The following FAT3 variants were observed in gnomAD, a reference collection of about 807,000 sequenced individuals.
FAT3 encodes the protein protocadherin Fat 3.
Under a neutral mutation model 310.2 loss-of-function variants are expected in FAT3, and 95 were observed. That is an observed-to-expected ratio of 0.31 (90% confidence interval 0.26 to 0.36). The LOEUF is 0.36. Among genes scored for constraint, FAT3 ranks in the 10% least tolerant of loss-of-function variants. The pLI, the probability that FAT3 is intolerant of heterozygous loss-of-function variation, is 1.00. For missense variants in FAT3, 5,408 were observed against 5,715.6 expected (o/e 0.95, Z 1.74); for synonymous variants, 2,314 against 2,192.9 (o/e 1.06, Z -1.54).
At chr11:92,765,469 T>C (rs1230816539) in intron 6 of FAT3, among the ~76,000 whole-genome samples, 4 of 151,770 alleles carry the variant, frequency 2.6e-5, no homozygotes, top group Non-Finnish European at 5.9e-5. Context: ...CTGCATTCTG[T>C]TCTTTTTTTT....
At chr11:92,656,576 A>C (rs2135779761) in intron 3 of FAT3, among the ~76,000 whole-genome samples, 1 of 152,346 alleles carries the variant, frequency 6.6e-6, no homozygotes, top group South Asian at 2.1e-4. Context: ...GACCACCATT[A>C]GTTCTGCTTT....
chr11:92,809,537 G>C (rs1323939666), intron 12 of FAT3, among the ~76,000 whole-genome samples: 1 of 152,096 alleles, frequency 6.6e-6, no homozygotes, highest in Non-Finnish European at 1.5e-5. Flanking sequence ...ATCTTGAGAG[G>C]TTTAAAGAGG....
At chr11:92,855,308 A>G (rs1948943076) in intron 19 of FAT3, among the ~76,000 whole-genome samples, 2 of 152,206 alleles carry the variant, frequency 1.3e-5, no homozygotes, top group Non-Finnish European at 2.9e-5. Context: ...TTCATGCCTG[A>G]GTTAAAATAT....
At chr11:92,471,793 G>A (rs1265934245) in intron 2 of FAT3, among the ~76,000 whole-genome samples, 2 of 151,846 alleles carry the variant, frequency 1.3e-5, no homozygotes, top group South Asian at 2.1e-4. Context: ...ATACATTCAT[G>A]CAGTTGAATA....
chr11:92,418,437 C>A (rs1277175566), intron 2 of FAT3, among the ~76,000 whole-genome samples: 1 of 107,826 alleles, frequency 9.3e-6, no homozygotes, highest in Non-Finnish European at 1.8e-5. Flanking sequence ...CACCCCCCCA[C>A]ACACACACAG....
chr11:92,675,486 T>A (rs1316507692), intron 3 of FAT3, among the ~76,000 whole-genome samples: 1 of 152,192 alleles, frequency 6.6e-6, no homozygotes, highest in Non-Finnish European at 1.5e-5. Flanking sequence ...CTGAATTAAC[T>A]GGGTGTTTGT....
At position 92,524,680 on chromosome 11, in the gene FAT3, A is replaced by C. The variant is rs78244582; in HGVS notation, c.3339A>C (p.Ser1113=). 825 of 1,613,896 alleles carry C rather than the reference A, an allele frequency of 5.1e-4. 11 individuals are homozygous for C. The East Asian group carries it at 0.018, about 36-fold the overall frequency. The change falls in exon 3 of 28, where the codon TCA becomes TCC. Residue 1113 remains serine (S), a synonymous_variant. Coordinates refer to ENST00000525166, the MANE Select transcript of FAT3 (RefSeq NM_001367949.2). ...ADILDRETMG[S]YWLTVYATDR... ...TTCTTGATCGGGAGACAATGGGGTCATACTGGCTAACAGTGTATGCCACAG... is the reference window on the plus strand; with the variant it reads ...TTCTTGATCGGGAGACAATGGGGTCCTACTGGCTAACAGTGTATGCCACAG...
Position 92,851,590 on chromosome 11 carries a change from G to A in FAT3, c.11366-5624G>A, listed in dbSNP as rs74806242. On this transcript the variant is annotated intron_variant, in intron 19 of 27. Transcript: ENST00000525166. ...GGGAATGGGGAACAGAGCTTACTCT[G>A]CCATTTTTGTGACAGGAGCTAAACA... 5.5e-3 allele frequency among the ~76,000 whole-genome samples: 833 copies of A among 152,238 alleles called. 4 individuals are homozygous for A. Among genetic ancestry groups the A allele is most frequent in the African/African-American group, 0.019 (781 of 41,542 alleles).
intron 3 of FAT3, among the ~76,000 whole-genome samples, chr11:92,558,147 G>C (rs992700019): frequency 6.6e-6 from 1 of 152,210 alleles, no homozygotes; most frequent in Non-Finnish European, 1.5e-5. Flanking sequence ...TGATCCCCAG[G>C]AGAGCAGAGG....
At chr11:92,597,116 C>T (rs182050930) in intron 3 of FAT3, among the ~76,000 whole-genome samples, 1 of 152,140 alleles carries the variant, frequency 6.6e-6, no homozygotes, top group Non-Finnish European at 1.5e-5. Context: ...TCACAAATAA[C>T]TGAGTCATTT....
intron 1 of FAT3, among the ~76,000 whole-genome samples, chr11:92,311,503 T>G (rs1381060997): frequency 6.6e-6 from 1 of 152,198 alleles, no homozygotes; most frequent in Non-Finnish European, 1.5e-5. Flanking sequence ...ATTTTATTTA[T>G]TACGTTATAG....
chr11:92,651,005 A>C (rs549094016), intron 3 of FAT3, among the ~76,000 whole-genome samples: 3 of 152,306 alleles, frequency 2.0e-5, no homozygotes, highest in Non-Finnish European at 2.9e-5. Flanking sequence ...CTTCGGATGA[A>C]GTTTTCAGTA....
chr11:92,572,665 T>C (rs1017047278), intron 3 of FAT3, among the ~76,000 whole-genome samples: 2 of 152,176 alleles, frequency 1.3e-5, no homozygotes, highest in African/African-American at 4.8e-5. Context: ...ACTGTGTACA[T>C]TGAGGTGCTT....
chr11:92,474,614 A>G (rs1053519308), intron 2 of FAT3, among the ~76,000 whole-genome samples: 8 of 152,164 alleles, frequency 5.3e-5, no homozygotes, highest in Non-Finnish European at 1.0e-4. Context: ...GAGGATCTCA[A>G]TGAGAACAGG....
At chr11:92,599,339 G>A (rs1015645636) in intron 3 of FAT3, among the ~76,000 whole-genome samples, 14 of 152,112 alleles carry the variant, frequency 9.2e-5, no homozygotes, top group African/African-American at 3.4e-4. Flanking sequence ...GGGGGTGGGG[G>A]AACCCCTTAT....
intron 2 of FAT3, among the ~76,000 whole-genome samples, chr11:92,396,308 C>G (rs994857201): frequency 1.3e-5 from 2 of 152,030 alleles, no homozygotes; most frequent in African/African-American, 4.8e-5. Context: ...GTAACTAGTC[C>G]CAAACCAGGA....
intron 1 of FAT3, among the ~76,000 whole-genome samples, chr11:92,228,413 C>T (rs1344914113): frequency 6.6e-6 from 1 of 152,138 alleles, no homozygotes; most frequent in Non-Finnish European, 1.5e-5. Flanking sequence ...AGTGGATACC[C>T]ACTGACCTGT....
chr11:92,350,190 A>G (rs1362689026), intron 1 of FAT3, among the ~76,000 whole-genome samples: 2 of 152,162 alleles, frequency 1.3e-5, no homozygotes, highest in African/African-American at 4.8e-5. Context: ...AGAAAAAGTT[A>G]AGTCTATTTA....
chr11:92,592,572 GC>G (rs1450551411), intron 3 of FAT3, among the ~76,000 whole-genome samples: 1 of 151,824 alleles, frequency 6.6e-6, no homozygotes, highest in Non-Finnish European at 1.5e-5. Flanking sequence ...TGCCTGGCTC[GC>G]CCTCCCAAAG....
Sources: allele counts gnomAD v4.1 joint callset (sites outside exome capture counted in the v4.1 genomes callset), GRCh38; gene constraint gnomAD v4.1.1; transcripts MANE v1.5; gene names NCBI Gene and HGNC (gene_info 2026-07-23, HGNC 2026-07-21).